Variants in PCDHGB7 observed in about 807,000 individuals in gnomAD.
The protein encoded by PCDHGB7 is protocadherin gamma subfamily B, 7, also known as protocadherin gamma-B7.
PCDHGB7 carries 37 observed loss-of-function variants against 61.4 expected under a neutral mutation model. The ratio of observed to expected loss-of-function variants is 0.60; its 90% CI spans 0.46 to 0.79. The LOEUF is 0.79. PCDHGB7 is among the 30% of genes least tolerant of loss of function. The pLI, the probability that PCDHGB7 is intolerant of heterozygous loss-of-function variation, is 0.00. For missense variants in PCDHGB7, 1,166 were observed against 1,202.5 expected, an observed-to-expected ratio of 0.97 and a Z score of 0.45; for synonymous variants, 464 against 503.5, an observed-to-expected ratio of 0.92 and a Z score of 1.05.
At chr5:141,502,739 A>C (rs1287180048) in intron 2 of PCDHGB7, among the ~76,000 whole-genome samples, 1 of 152,070 alleles carries the variant, frequency 6.6e-6, no homozygotes, top group Non-Finnish European at 1.5e-5. Flanking sequence ...ATGTTCTGTC[A>C]TTCCTTCTAC....
intron 2 of PCDHGB7, among the ~76,000 whole-genome samples, chr5:141,501,092 C>A: frequency 6.6e-6 from 1 of 152,118 alleles, no homozygotes; most frequent in East Asian, 1.9e-4. Flanking sequence ...TGGTCTCAAT[C>A]TCTTGACCTC....
intron 1 of PCDHGB7, chr5:141,428,284 G>A (rs762469333): frequency 4.2e-5 from 31 of 734,822 alleles, no homozygotes. Flanking sequence ...TGATTCCCAA[G>A]CAAAGCTGCA....
At chr5:141,498,980 GGAAGGAA>G in intron 2 of PCDHGB7, among the ~76,000 whole-genome samples, 1 of 44,970 alleles carries the variant, frequency 2.2e-5, no homozygotes, top group South Asian at 1.0e-3. Context: ...AGGGAAGGAA[GGAAGGAA>G]GGAAGGAAGG....
intron 1 of PCDHGB7, among the ~76,000 whole-genome samples, chr5:141,481,675 C>T (rs943204061): frequency 4.0e-5 from 6 of 151,490 alleles, no homozygotes; most frequent in Non-Finnish European, 5.9e-5. Context: ...AAAATCAGGC[C>T]GGGCCTGGTG....
At chr5:141,427,495 C>A in intron 1 of PCDHGB7, 2 of 562,648 alleles carry the variant, frequency 3.6e-6, no homozygotes, top group South Asian at 1.5e-5. Flanking sequence ...AAGCTTGTAA[C>A]AGATGGGACC....
intron 1 of PCDHGB7, among the ~76,000 whole-genome samples, chr5:141,453,479 A>G (rs1345415084): frequency 1.3e-5 from 2 of 152,082 alleles, no homozygotes; most frequent in Non-Finnish European, 2.9e-5. Context: ...AGTCAAAACT[A>G]TTAAAAAAAG....
In PCDHGB7 at chr5:141,491,907, G is replaced by A; in HGVS notation, c.2416-2900G>A. 5 of 1,408,726 alleles carry A rather than the reference G, an allele frequency of 3.5e-6. No homozygotes were observed. In the South Asian group the frequency reaches 7.5e-5, roughly 21 times the overall value. The allele number at this position is 1,408,726 out of a possible 1,614,324, so 87.3% of individuals were successfully genotyped here. A position where few individuals can be genotyped will look rare whatever the true frequency, so the allele number is the denominator to read the frequency against. ...TGGGGCTCCGAGCACCGGGGGTGGTGGCGACTGTGGGCGAGGGGAGGTGGG... is the reference window on the plus strand; with the variant it reads ...TGGGGCTCCGAGCACCGGGGGTGGTAGCGACTGTGGGCGAGGGGAGGTGGG... On this transcript the variant is annotated intron_variant, in intron 1 of 3. Coordinates refer to ENST00000398594, the MANE Select transcript of PCDHGB7 (RefSeq NM_018927.4). This position sits in a 1 kb window ranked among gnomAD's most constrained non-coding sequence, Gnocchi z 6.9.
chr5:141,436,220 T>C (rs1179034537), intron 1 of PCDHGB7, among the ~76,000 whole-genome samples: 2 of 152,096 alleles, frequency 1.3e-5, no homozygotes, highest in Non-Finnish European at 2.9e-5. Flanking sequence ...ACAAATGACT[T>C]GGGAAACTAA....
chr5:141,439,065 C>T (rs571768018), intron 1 of PCDHGB7, among the ~76,000 whole-genome samples: 13 of 151,628 alleles, frequency 8.6e-5, no homozygotes, highest in East Asian at 7.9e-4. Flanking sequence ...GTGTGGCAGG[C>T]GCCTGTAATC....
At chr5:141,458,172 T>A (rs1023447659) in intron 1 of PCDHGB7, among the ~76,000 whole-genome samples, 2 of 152,216 alleles carry the variant, frequency 1.3e-5, no homozygotes, top group African/African-American at 4.8e-5. Flanking sequence ...CACAGTAGTA[T>A]ACCTTACTTG....
In PCDHGB7 at chr5:141,489,053, G is replaced by C; in HGVS notation, c.2416-5754G>C. 1 of 473,650 alleles carries C rather than the reference G, an allele frequency of 2.1e-6. No homozygotes were observed. Among genetic ancestry groups the C allele is most frequent in the Non-Finnish European group, 3.7e-6 (1 of 270,732 alleles). The allele number at this position is 473,650 out of a possible 1,614,324, so 29.3% of individuals were successfully genotyped here. A position where few individuals can be genotyped will look rare whatever the true frequency, so the allele number is the denominator to read the frequency against. On this transcript the variant is annotated intron_variant, in intron 1 of 3. Transcript: ENST00000398594. The surrounding 1 kb of genome is among the most constrained non-coding windows in gnomAD (Gnocchi z 4.5). ...AGCTCCCCAGCTCCACTCAAATTCA[G>C]CTCCCCTCCCCCCTGCCCACCCCCG...
chr5:141,455,255 C>T (rs1049752169), intron 1 of PCDHGB7, among the ~76,000 whole-genome samples: 16 of 152,146 alleles, frequency 1.1e-4, no homozygotes, highest in African/African-American at 3.9e-4. Flanking sequence ...AGTACAATCG[C>T]ATTTCTTCCC....
chr5:141,467,535 G>C (rs2099145685), intron 1 of PCDHGB7, among the ~76,000 whole-genome samples: 1 of 152,176 alleles, frequency 6.6e-6, no homozygotes, highest in South Asian at 2.1e-4. Flanking sequence ...GCTGAGATAT[G>C]GATCTGATTA....
intron 1 of PCDHGB7, among the ~76,000 whole-genome samples, chr5:141,456,537 G>A (rs1411788378): frequency 1.3e-5 from 2 of 152,178 alleles, no homozygotes; most frequent in African/African-American, 4.8e-5. Flanking sequence ...ATTAAAGAGG[G>A]ATTGTAGCCA....
intron 1 of PCDHGB7, among the ~76,000 whole-genome samples, chr5:141,479,053 A>G (rs534968614): frequency 9.2e-5 from 14 of 152,334 alleles, no homozygotes; most frequent in African/African-American, 3.1e-4. Context: ...TCATTCTCAG[A>G]TAATTTTTTA....
rs370286425 is a variant in PCDHGB7, at chr5:141,431,234, G to A, written c.2415+10960G>A. On this transcript the variant is annotated intron_variant, in intron 1 of 3. Coordinates refer to ENST00000398594, the MANE Select transcript of PCDHGB7 (RefSeq NM_018927.4). This position sits in a 1 kb window ranked among gnomAD's most constrained non-coding sequence, Gnocchi z 4.8. ...GCGGTTCCCTCTACCCCACGCCTGGGATCCGGATATCGGGAAGAACTCTCT... is the reference window on the plus strand; with the variant it reads ...GCGGTTCCCTCTACCCCACGCCTGGAATCCGGATATCGGGAAGAACTCTCT... 13 of 1,614,052 alleles carry A rather than the reference G, an allele frequency of 8.1e-6. No individual in the cohort carries two copies. The highest frequency in any genetic ancestry group is 2.7e-5 in the African/African-American group (2 of 74,940).
chr5:141,421,455 C>A (rs762490406), intron 1 of PCDHGB7: 1 of 1,614,108 alleles, frequency 6.2e-7, no homozygotes, highest in South Asian at 1.1e-5. Flanking sequence ...CACAGCTTTT[C>A]GCTGTGAATC....
At position 141,486,761 on chromosome 5, in the gene PCDHGB7, A is replaced by G. The variant is rs1368106682; in HGVS notation, c.2416-8046A>G. 1 of 1,614,114 alleles carries G rather than the reference A, an allele frequency of 6.2e-7. No homozygotes were observed. The highest frequency in any genetic ancestry group is 8.5e-7 in the Non-Finnish European group (1 of 1,180,056). ...ATCCTTTGACTATGAGCAAACCCAG[A>G]CACTGCAGTTTGAGGTGCAGGCCCG... On this transcript the variant is annotated intron_variant, in intron 1 of 3. Transcript: ENST00000398594. The surrounding 1 kb of genome is among the most constrained non-coding windows in gnomAD (Gnocchi z 5.0).
chr5:141,420,147 C>T lies in PCDHGB7; in HGVS notation c.2288C>T (p.Pro763Leu), dbSNP rs1480828845. Residue 763 changes from proline (P) to leucine (L), a missense_variant, in exon 1 of 4, where the codon CCA (proline) becomes CTA (leucine). Pro to Leu is a moderately conservative substitution (Grantham distance 98). Transcript: ENST00000398594. ...NFCVPGDQMN[P>L]EFNFFTSVDH... Reference sequence around the variant, plus strand: ...TGTGTGCCTGGGGATCAAATGAATCCAGAATTTAATTTTTTCACATCTGTT... The same window carrying T: ...TGTGTGCCTGGGGATCAAATGAATCTAGAATTTAATTTTTTCACATCTGTT... The T allele has an allele frequency of 2.5e-6, 4 of 1,613,848 alleles. No individual in the cohort carries two copies. The East Asian group carries it at 8.9e-5, about 36-fold the overall frequency.
Sources: allele counts gnomAD v4.1 joint callset (sites outside exome capture counted in the v4.1 genomes callset), GRCh38; gene constraint gnomAD v4.1.1; non-coding constraint Gnocchi (gnomAD v3.1); transcripts MANE v1.5; gene names NCBI Gene and HGNC (gene_info 2026-07-23, HGNC 2026-07-21).